Variants in THOC2 observed in about 807,000 individuals in gnomAD.
The protein encoded by THOC2 is THO complex 2.
In THOC2, 10 loss-of-function variants were observed where a neutral mutation model predicts 128.4. The ratio of observed to expected loss-of-function variants is 0.08; its 90% CI spans 0.05 to 0.13. THOC2 has a LOEUF of 0.13. Among genes scored for constraint, THOC2 ranks in the 10% least tolerant of loss-of-function variants. THOC2 has a pLI of 1.00. For synonymous variants in THOC2, 393 were observed against 396.9 expected (o/e 0.99, Z 0.12); for missense variants, 535 against 1,155.7 (o/e 0.46, Z 7.79).
chrX:123,666,319 G>C (rs1427944573), intron 11 of THOC2, among the ~76,000 whole-genome samples: 1 of 112,057 alleles, frequency 8.9e-6, no homozygotes. Flanking sequence ...AGGGTATGTA[G>C]AATGTGGTCG....
At chrX:123,606,493 C>T (rs2046476128) in intron 38 of THOC2, among the ~76,000 whole-genome samples, 1 of 110,944 alleles carries the variant, frequency 9.0e-6, no homozygotes, top group African/African-American at 3.3e-5. Context: ...ACTCGGGAGA[C>T]TGAGGCATGA....
chrX:123,657,169 G>A (rs1224601323), intron 12 of THOC2, among the ~76,000 whole-genome samples: 1 of 111,716 alleles, frequency 9.0e-6, no homozygotes, highest in Non-Finnish European at 1.9e-5. Flanking sequence ...TGAGCTTGAG[G>A]ATATCTCCAT....
intron 2 of THOC2, among the ~76,000 whole-genome samples, chrX:123,709,605 C>T (rs1190638003): frequency 9.0e-6 from 1 of 111,158 alleles, no homozygotes; most frequent in Non-Finnish European, 1.9e-5. Context: ...AAAAAAGGCC[C>T]CGAGAAGGTA....
intron 7 of THOC2, among the ~76,000 whole-genome samples, chrX:123,688,251 T>C (rs773689843): frequency 2.6e-4 from 29 of 111,072 alleles, no homozygotes; most frequent in Non-Finnish European, 4.9e-4. Context: ...ATAGGATAAG[T>C]GGAGTAAGGA....
chrX:123,713,722 CT>C (rs2051290949), intron 1 of THOC2, among the ~76,000 whole-genome samples: 1 of 108,950 alleles, frequency 9.2e-6, no homozygotes. Flanking sequence ...GTGGCTCATG[CT>C]TGCACTCCCA....
chrX:123,715,784 CAAA>C (rs765556592), intron 1 of THOC2, among the ~76,000 whole-genome samples: 2 of 38,119 alleles, frequency 5.2e-5, no homozygotes, highest in Non-Finnish European at 5.2e-5. Flanking sequence ...GACCTTGTCT[CAAA>C]AAAAAAAAAA....
chrX:123,719,834 C>T (rs907050742), intron 1 of THOC2, among the ~76,000 whole-genome samples: 38 of 108,118 alleles, frequency 3.5e-4, no homozygotes, highest in Non-Finnish European at 1.7e-4. Flanking sequence ...GAGGCTGAAG[C>T]GGGAGGATTG....
At chrX:123,629,769 T>A (rs2047404987) in intron 22 of THOC2, among the ~76,000 whole-genome samples, 1 of 111,355 alleles carries the variant, frequency 9.0e-6, no homozygotes, top group South Asian at 3.8e-4. Context: ...AGAGGACAGG[T>A]CTTATTGAAG....
At chrX:123,692,494 C>CTTTT (rs984272905) in intron 7 of THOC2, among the ~76,000 whole-genome samples, 23 of 56,911 alleles carry the variant, frequency 4.0e-4, no homozygotes, top group Non-Finnish European at 4.5e-4. Flanking sequence ...AAATAACTGC[C>CTTTT]TTTTTTTTTT....
chrX:123,686,942 G>A (rs892037145), intron 7 of THOC2, among the ~76,000 whole-genome samples: 1 of 111,885 alleles, frequency 8.9e-6, no homozygotes, highest in Non-Finnish European at 1.9e-5. Context: ...ACAGAGCTGG[G>A]TCAGTATAGT....
intron 1 of THOC2, among the ~76,000 whole-genome samples, chrX:123,715,113 C>G (rs1043488081): frequency 2.8e-4 from 29 of 104,616 alleles, no homozygotes; most frequent in African/African-American, 9.2e-4. Flanking sequence ...TCGACCTGAG[C>G]TCAAGTGATC....
At position 123,638,816 on chromosome X, in the gene THOC2, G is replaced by A. The variant is rs1205758142; in HGVS notation, c.1840+118C>T. 1.4e-5 allele frequency: 6 copies of A among 442,083 alleles called. No individual in the cohort carries two copies. In the East Asian group the frequency reaches 2.3e-4, roughly 17 times the overall value. 36.4% of individuals were successfully genotyped at this position (442,083 alleles called of 1,213,427 possible). The stretch of plus-strand genomic sequence containing the variant: ...CACACAATTGACTGACCAAACTTCA[G>A]ATCAGCCACCTGAATCAACCTCAGA... On this transcript the variant is annotated intron_variant, in intron 17 of 38. Coordinates refer to ENST00000245838, the MANE Select transcript of THOC2 (RefSeq NM_001081550.2).
In THOC2 at chrX:123,613,697, G is replaced by A. The variant is rs1454239474; in HGVS notation, c.4461C>T (p.Asn1487=). ...DRKERKRDHS[N]NDREVPPDLT... The stretch of plus-strand genomic sequence containing the variant: ...AGTCCGGTGGCACTTCACGGTCGTT[G>A]TTTGAGTGATCCTAGAACCAAGAAT... Residue 1487 remains asparagine, a synonymous_variant, in exon 35 of 39, where the codon AAC becomes AAT. Transcript: ENST00000245838. 2 of 1,208,117 alleles carry A rather than the reference G, an allele frequency of 1.7e-6. No individual in the cohort carries two copies. The highest frequency in any genetic ancestry group is 3.0e-5 in the East Asian group (1 of 33,765).
intron 7 of THOC2, among the ~76,000 whole-genome samples, chrX:123,693,577 G>GA (rs1212338457): frequency 1.8e-5 from 2 of 110,811 alleles, no homozygotes; most frequent in East Asian, 2.8e-4. Context: ...TCCATATCAG[G>GA]AAAAAAATGC....
chrX:123,686,960 C>A (rs1228897480), intron 7 of THOC2, among the ~76,000 whole-genome samples: 1 of 111,688 alleles, frequency 9.0e-6, no homozygotes, highest in Non-Finnish European at 1.9e-5. Flanking sequence ...AGTCCAGGAC[C>A]AGTGATACCA....
At chrX:123,704,251 T>C (rs753652750) in intron 3 of THOC2, among the ~76,000 whole-genome samples, 2 of 112,120 alleles carry the variant, frequency 1.8e-5, no homozygotes, top group Non-Finnish European at 3.8e-5. Flanking sequence ...TGCTCATGCC[T>C]GAGTCAATAT....
intron 32 of THOC2, chrX:123,619,752 A>G (rs1402114001): frequency 2.4e-5 from 4 of 165,767 alleles, no homozygotes; most frequent in Non-Finnish European, 2.3e-5. Context: ...AGAAAGCAAA[A>G]CATTTTTTTC....
intron 7 of THOC2, among the ~76,000 whole-genome samples, chrX:123,689,298 C>T (rs746802616): frequency 1.8e-5 from 2 of 112,109 alleles, no homozygotes; most frequent in Admixed American, 9.5e-5. Context: ...CAGGTATCAC[C>T]TTTGCATCTT....
chrX:123,684,286 A>G (rs1256003472), intron 8 of THOC2, among the ~76,000 whole-genome samples: 1 of 112,100 alleles, frequency 8.9e-6, no homozygotes, highest in East Asian at 2.8e-4. Context: ...ATTTCAGCCA[A>G]CCTGTCACTA....
Sources: gnomAD v4.1 joint callset for allele counts (sites outside exome capture counted in the v4.1 genomes callset) on GRCh38, gnomAD v4.1.1 for gene constraint, MANE v1.5 for transcripts, NCBI Gene and HGNC (gene_info 2026-07-23, HGNC 2026-07-21) for gene names.